Variants in ATL2 observed in about 807,000 individuals in gnomAD.
The protein encoded by ATL2 is atlastin-2.
In ATL2, 31 loss-of-function variants were observed where a neutral mutation model predicts 73.9. The ratio of observed to expected loss-of-function variants is 0.42; its 90% CI spans 0.32 to 0.57. The LOEUF is 0.57. ATL2 is among the 20% of genes least tolerant of loss of function. The probability of loss-of-function intolerance (pLI) is 0.14; values close to 1 mark genes in which losing one functional copy is unlikely to be tolerated. For synonymous variants in ATL2, 291 were observed against 237.5 expected (o/e 1.23, Z -2.07); for missense variants, 738 against 702.6 (o/e 1.05, Z -0.57).
chr2:38,317,508 A>AT (rs1331516413), intron 4 of ATL2, among the ~76,000 whole-genome samples: 1 of 152,190 alleles, frequency 6.6e-6, no homozygotes, highest in East Asian at 1.9e-4. Flanking sequence ...AAGAGAAGGG[A>AT]TTTTATCCCT....
At chr2:38,368,763 G>A (rs1034167372) in intron 1 of ATL2, among the ~76,000 whole-genome samples, 3 of 152,104 alleles carry the variant, frequency 2.0e-5, no homozygotes, top group African/African-American at 7.2e-5. Context: ...GAAATACTGG[G>A]AAATGCTCAA....
At chr2:38,308,031 T>G (rs1038650279) in intron 9 of ATL2, among the ~76,000 whole-genome samples, 1 of 152,184 alleles carries the variant, frequency 6.6e-6, no homozygotes, top group Non-Finnish European at 1.5e-5. Flanking sequence ...ACAACCACTA[T>G]GGAGAACAGT....
intron 1 of ATL2, chr2:38,358,311 C>T (rs1222180448): frequency 6.6e-6 from 1 of 152,288 alleles, no homozygotes; most frequent in Non-Finnish European, 1.5e-5. Flanking sequence ...TACAACTAAC[C>T]ACTCCAGGGT....
chr2:38,349,841 A>AT (rs889737842), intron 1 of ATL2, among the ~76,000 whole-genome samples: 6 of 152,140 alleles, frequency 3.9e-5, no homozygotes, highest in African/African-American at 1.4e-4. Flanking sequence ...ATTTGTCACC[A>AT]TATCTAGTCT....
chr2:38,332,069 C>A (rs1308388829), intron 2 of ATL2, among the ~76,000 whole-genome samples: 1 of 152,006 alleles, frequency 6.6e-6, no homozygotes, highest in Non-Finnish European at 1.5e-5. Context: ...CACAAAAGAC[C>A]ACATTTTTTA....
chr2:38,314,843 C>T (rs985872124), intron 5 of ATL2, among the ~76,000 whole-genome samples, 179 bp from the exon 6 acceptor site: 3 of 152,166 alleles, frequency 2.0e-5, no homozygotes, highest in African/African-American at 4.8e-5. Flanking sequence ...AAGTCATACA[C>T]CAGTTTAAAC....
intron 9 of ATL2, among the ~76,000 whole-genome samples, chr2:38,301,120 G>A (rs1424172630): frequency 3.3e-5 from 5 of 152,056 alleles, no homozygotes; most frequent in Admixed American, 1.3e-4. Flanking sequence ...ACAGGCATGC[G>A]CCACCACATC....
At chr2:38,311,651 T>C (rs977563268) in intron 7 of ATL2, among the ~76,000 whole-genome samples, 5 of 152,144 alleles carry the variant, frequency 3.3e-5, no homozygotes, top group African/African-American at 9.7e-5. Context: ...AAACAAAGCC[T>C]GTGAGAAGTC....
chr2:38,330,498 T>C (rs1025858014), intron 2 of ATL2, among the ~76,000 whole-genome samples: 11 of 152,166 alleles, frequency 7.2e-5, no homozygotes, highest in African/African-American at 2.7e-4. Context: ...ATGTTGTATA[T>C]AGAAAACTCG....
In ATL2 at chr2:38,294,071, TAAAA is replaced by T. The variant is rs978265876; in HGVS notation, c.*1919_*1922del. On this transcript the variant is annotated 3_prime_UTR_variant, in exon 13 of 13. Transcript: ENST00000378954. ...TCATAAAACAGGGTGGCAGAAGAAA[TAAAA>T]AGACACTTTTCAGGTGGATTCTTTA... is the stretch of plus-strand genomic sequence containing the variant. 1.3e-5 allele frequency among the ~76,000 whole-genome samples: 2 copies of T among 152,128 alleles called. No homozygotes were observed. Among genetic ancestry groups the T allele is most frequent in the African/African-American group, 4.8e-5 (2 of 41,432 alleles).
intron 1 of ATL2, among the ~76,000 whole-genome samples, chr2:38,362,731 T>C (rs1671081318): frequency 6.6e-6 from 1 of 152,088 alleles, no homozygotes; most frequent in Non-Finnish European, 1.5e-5. Context: ...ACAACAAAAA[T>C]CCTGCCCTTA....
chr2:38,329,423 CAAAAAAAAAAAAAA>C (rs70954711), intron 2 of ATL2, among the ~76,000 whole-genome samples: 21 of 13,650 alleles, frequency 1.5e-3, no homozygotes, highest in South Asian at 0.01. Context: ...ACTCCATCTC[CAAAAAAAAAAAAAA>C]AAAAAAAAAA....
At chr2:38,317,571 T>G (rs1300583858) in intron 4 of ATL2, among the ~76,000 whole-genome samples, 1 of 152,212 alleles carries the variant, frequency 6.6e-6, no homozygotes, top group African/African-American at 2.4e-5. Flanking sequence ...AAGCCTTGTC[T>G]GGGTTTCCTA....
At chr2:38,363,150 T>C (rs1405150940) in intron 1 of ATL2, among the ~76,000 whole-genome samples, 3 of 152,176 alleles carry the variant, frequency 2.0e-5, no homozygotes, top group African/African-American at 7.2e-5. Context: ...GATAAAGCAA[T>C]CTGCGAGGAT....
At chr2:38,308,116 A>C (rs1667550313) in intron 9 of ATL2, among the ~76,000 whole-genome samples, 1 of 152,214 alleles carries the variant, frequency 6.6e-6, no homozygotes, top group South Asian at 2.1e-4. Context: ...ATATACCCAA[A>C]AGAAAAAAAT....
chr2:38,375,475 C>A (rs911437475), intron 1 of ATL2, among the ~76,000 whole-genome samples: 1 of 152,058 alleles, frequency 6.6e-6, no homozygotes, highest in African/African-American at 2.4e-5. Flanking sequence ...AAATGGTGGG[C>A]CCTATTTCAA....
chr2:38,313,641 C>T (rs1667873972), intron 6 of ATL2, among the ~76,000 whole-genome samples: 1 of 152,122 alleles, frequency 6.6e-6, no homozygotes, highest in African/African-American at 2.4e-5. Context: ...GACATTTTCA[C>T]TCACAGAGGA....
At chr2:38,342,348 T>C (rs1413044381) in intron 2 of ATL2, among the ~76,000 whole-genome samples, 1 of 151,944 alleles carries the variant, frequency 6.6e-6, no homozygotes, top group Non-Finnish European at 1.5e-5. Context: ...TAAAGTAATA[T>C]CAATAAAACA....
intron 2 of ATL2, among the ~76,000 whole-genome samples, chr2:38,335,973 G>C (rs539586948): frequency 7.2e-5 from 11 of 152,222 alleles, no homozygotes; most frequent in Admixed American, 7.2e-4. Context: ...CTTGCAGTGA[G>C]CCACTGCACT....
Sources: allele counts gnomAD v4.1 joint callset (sites outside exome capture counted in the v4.1 genomes callset), GRCh38; gene constraint gnomAD v4.1.1; transcripts MANE v1.5; gene names NCBI Gene and HGNC (gene_info 2026-07-23, HGNC 2026-07-21).